The following CASP10 variants were observed in gnomAD, a reference collection of about 807,000 sequenced individuals.
CASP10 encodes the protein caspase 10.
Under a neutral mutation model 48.5 loss-of-function variants are expected in CASP10, and 41 were observed. That is an observed-to-expected ratio of 0.85 (90% CI 0.66 to 1.10). CASP10 has a LOEUF of 1.10. Among genes scored for constraint, CASP10 ranks in the 50% least tolerant of loss-of-function variants. The pLI is 0.00. For synonymous variants in CASP10, 232 were observed against 238.4 expected (o/e 0.97, Z 0.25); for missense variants, 614 against 614.5 (o/e 1.00, Z 0.01).
chr2:201,205,904 A>C lies in CASP10; in HGVS notation c.744A>C (p.Ala248=), dbSNP rs1945185154. The change falls in exon 7 of 10, where the codon GCA becomes GCC. Residue 248 remains alanine (A), a synonymous_variant. Coordinates refer to ENST00000286186, the MANE Select transcript of CASP10 (RefSeq NM_032977.4). ...TAGGTAACAGAGCCACAAATGGTGC[A>C]CCAAGCCTGGTCTCCAGGGGGATGC... The part of the protein sequence containing the change: ...GSNGNRATNG[A]PSLVSRGMQG... The C allele has an allele frequency of 6.2e-7, 1 of 1,612,218 alleles. No individual in the cohort carries two copies. The highest frequency in any genetic ancestry group is 1.3e-5 in the African/African-American group (1 of 74,894).
At chr2:201,215,379 A>G (rs974443690) in intron 9 of CASP10, among the ~76,000 whole-genome samples, 3 of 152,094 alleles carry the variant, frequency 2.0e-5, no homozygotes, top group Admixed American at 1.3e-4. Context: ...CAGCAGCTTC[A>G]TAGTTTCAGG....
In CASP10 at chr2:201,221,033, T is replaced by A; in HGVS notation, c.*3292T>A. On this transcript the variant is annotated 3_prime_UTR_variant, in exon 10 of 10. Coordinates refer to ENST00000286186, the MANE Select transcript of CASP10 (RefSeq NM_032977.4). ...AAAAAGAATGTGTCCTATGTGTGCA[T>A]CTATTTAAATCTAACTGTGCTGAGG... 1.0e-6 allele frequency: 1 copy of A among 985,458 alleles called. No individual in the cohort carries two copies. Among genetic ancestry groups the A allele is most frequent in the Non-Finnish European group, 1.2e-6 (1 of 829,942 alleles). The allele number at this position is 985,458 out of a possible 1,614,324, so 61.0% of individuals were successfully genotyped here. A position where few individuals can be genotyped will look rare whatever the true frequency, so the allele number is the denominator to read the frequency against.
intron 5 of CASP10, among the ~76,000 whole-genome samples, chr2:201,201,830 G>A (rs1287305882): frequency 6.6e-6 from 1 of 151,938 alleles, no homozygotes; most frequent in Non-Finnish European, 1.5e-5. Context: ...AAAGAACACT[G>A]CCAATAATTG....
At chr2:201,223,105 G>A (rs534067427), downstream of CASP10, among the ~76,000 whole-genome samples, 4 of 152,294 alleles carry the variant, frequency 2.6e-5, no homozygotes, top group East Asian at 1.9e-4. Flanking sequence ...TCTTTGGGGC[G>A]ACTGCTTCAT....
At chr2:201,222,271 T>C (rs988157949), downstream of CASP10, among the ~76,000 whole-genome samples, 1 of 150,552 alleles carries the variant, frequency 6.6e-6, no homozygotes, top group African/African-American at 2.4e-5. Flanking sequence ...GGCTAGAGTG[T>C]AGTGGTGTGA....
At chr2:201,228,021 A>G (rs1945811126) in intron 9 of CASP10, among the ~76,000 whole-genome samples, 1 of 152,038 alleles carries the variant, frequency 6.6e-6, no homozygotes, top group African/African-American at 2.4e-5. Context: ...CTGCTATTTC[A>G]CCATTTGAAG....
downstream of CASP10, among the ~76,000 whole-genome samples, chr2:201,222,531 G>A (rs1267653292): frequency 1.3e-5 from 2 of 152,090 alleles, no homozygotes; most frequent in Non-Finnish European, 2.9e-5. Context: ...ATAAAAGTTT[G>A]GATACTGCCA....
intron 2 of CASP10, among the ~76,000 whole-genome samples, chr2:201,186,581 C>G (rs1364371872): frequency 1.1e-4 from 17 of 152,082 alleles, no homozygotes; most frequent in Admixed American, 1.1e-3. Context: ...TATGCCATGT[C>G]TAGTTATAGA....
chr2:201,193,756 A>G (rs1944694189), intron 4 of CASP10, among the ~76,000 whole-genome samples: 1 of 152,232 alleles, frequency 6.6e-6, no homozygotes, highest in Non-Finnish European at 1.5e-5. Context: ...ATAGGGAATT[A>G]TTTTAAATGA....
downstream of CASP10, among the ~76,000 whole-genome samples, chr2:201,222,943 G>T (rs1374961999): frequency 2.0e-5 from 3 of 152,172 alleles, no homozygotes; most frequent in African/African-American, 7.2e-5. Flanking sequence ...CTTTCTGAGT[G>T]ATCTGGTCAA....
At chr2:201,183,550 T>G (rs1053081519) in intron 1 of CASP10, among the ~76,000 whole-genome samples, 11 of 152,160 alleles carry the variant, frequency 7.2e-5, no homozygotes, top group Non-Finnish European at 1.6e-4. Flanking sequence ...TCACTAAAAC[T>G]AGAGATCAGA....
chr2:201,189,430 G>A (rs1244012276), intron 3 of CASP10, among the ~76,000 whole-genome samples: 1 of 151,770 alleles, frequency 6.6e-6, no homozygotes, highest in Non-Finnish European at 1.5e-5. Flanking sequence ...CACCATGCCT[G>A]TCTAATTTTT....
Position 201,195,953 on chromosome 2 carries a change from G to C in CASP10, c.684+5G>C. The stretch of plus-strand genomic sequence containing the variant: ...ACATTCTTGGAAGCCTTACCGGTAG[G>C]TTCAGTGGTGTGCTGGTCAATGCTT... On this transcript the variant is annotated splice_donor_5th_base_variant and intron_variant, in intron 5 of 9. Transcript: ENST00000286186. 6.3e-7 allele frequency: 1 copy of C among 1,587,584 alleles called. No individual in the cohort carries two copies. Among genetic ancestry groups the C allele is most frequent in the Non-Finnish European group, 8.6e-7 (1 of 1,156,180 alleles).
chr2:201,202,723 C>G (rs1353186127), intron 5 of CASP10, among the ~76,000 whole-genome samples: 1 of 152,198 alleles, frequency 6.6e-6, no homozygotes, highest in Non-Finnish European at 1.5e-5. Flanking sequence ...GGGAACAGCT[C>G]TTCCCCAACA....
chr2:201,209,041 C>CTCT (rs753088125), intron 8 of CASP10, 29 bp from the exon 9 acceptor site: 120 of 1,322,698 alleles, frequency 9.1e-5, no homozygotes, highest in Middle Eastern at 2.3e-4. Context: ...CTCTCTCTCT[C>CTCT]TTTTTTTTTT....
chr2:201,224,767 T>C (rs914837694), downstream of CASP10, among the ~76,000 whole-genome samples: 2 of 152,216 alleles, frequency 1.3e-5, no homozygotes, highest in Non-Finnish European at 2.9e-5. Context: ...TACTGGTAAA[T>C]AGTAGAAATG....
At chr2:201,208,279 A>G (rs1945275763) in intron 8 of CASP10, 96 bp downstream of exon 8, 3 of 1,488,524 alleles carry the variant, frequency 2.0e-6, no homozygotes, top group Non-Finnish European at 1.8e-6. Flanking sequence ...TATCTTCCAT[A>G]TACGTGTAAG....
intron 6 of CASP10, 103 bp downstream of exon 6, chr2:201,203,869 T>C: frequency 4.3e-6 from 4 of 921,554 alleles, no homozygotes; most frequent in Non-Finnish European, 7.2e-6. Context: ...AGAGAAGCTT[T>C]ATAAATAATG....
In CASP10 at chr2:201,186,386, C is replaced by T. The variant is rs574904507; in HGVS notation, c.347+262C>T. On this transcript the variant is annotated intron_variant, in intron 2 of 9. Coordinates refer to ENST00000286186, the MANE Select transcript of CASP10 (RefSeq NM_032977.4). ...TTCTCACTAGCAGTGAAGCCCACCTCAGTGTGGCAGAGCCCGTGTTTTCCC... is the reference window on the plus strand; with the variant it reads ...TTCTCACTAGCAGTGAAGCCCACCTTAGTGTGGCAGAGCCCGTGTTTTCCC... The T allele has an allele frequency of 1.5e-5, 7 of 465,234 alleles. No individual in the cohort carries two copies. The Admixed American group carries it at 1.7e-4, about 11-fold the overall frequency. 28.8% of individuals were successfully genotyped at this position (465,234 alleles called of 1,614,324 possible). A position where few individuals can be genotyped will look rare whatever the true frequency, so the allele number is the denominator to read the frequency against.
Sources: gnomAD v4.1 joint callset for allele counts (sites outside exome capture counted in the v4.1 genomes callset) on GRCh38, gnomAD v4.1.1 for gene constraint, MANE v1.5 for transcripts, NCBI Gene and HGNC (gene_info 2026-07-23, HGNC 2026-07-21) for gene names.